Variants in SIL1 observed in about 807,000 individuals in gnomAD.
SIL1 encodes SIL1 nucleotide exchange factor.
In SIL1, 40 loss-of-function variants were observed where a neutral mutation model predicts 49.1. That is an observed-to-expected ratio of 0.81 (90% confidence interval 0.63 to 1.06). The LOEUF is 1.06. SIL1 is among the 50% of genes least tolerant of loss of function. The probability of loss-of-function intolerance (pLI) is 0.00; values close to 1 mark genes in which losing one functional copy is unlikely to be tolerated. For synonymous variants in SIL1, 253 were observed against 250.8 expected (o/e 1.01, Z -0.08); for missense variants, 500 against 572.6 (o/e 0.87, Z 1.29).
chr5:139,140,968 T>G lies in SIL1; in HGVS notation c.-10-13115A>C, dbSNP rs1190758580. Among the ~76,000 whole-genome samples the G allele has an allele frequency of 2.0e-5, 3 of 152,298 alleles. No individual in the cohort carries two copies. The East Asian group carries it at 5.8e-4, about 29-fold the overall frequency. On this transcript the variant is annotated intron_variant, in intron 1 of 9. Transcript: ENST00000394817. ...TGCCATGGTCACAGGGTTTCCATCC[T>G]GTGCTTTGCTGAGAGCACAGTTACA... is the stretch of plus-strand genomic sequence containing the variant.
At chr5:139,185,653 T>C (rs1752065682) in intron 1 of SIL1, among the ~76,000 whole-genome samples, 1 of 152,226 alleles carries the variant, frequency 6.6e-6, no homozygotes, top group Admixed American at 6.5e-5. Flanking sequence ...TCCTTCCCAA[T>C]TCTCTAGTTA....
intron 1 of SIL1, among the ~76,000 whole-genome samples, chr5:139,145,395 G>A (rs1301459117): frequency 6.6e-6 from 1 of 152,178 alleles, no homozygotes; most frequent in African/African-American, 2.4e-5. Flanking sequence ...AAATGTTGCA[G>A]CTGCTATGGA....
rs538476100 is a variant in SIL1, at chr5:139,001,537, T to G, written c.767+19634A>C. On this transcript the variant is annotated intron_variant, in intron 7 of 9. Transcript: ENST00000394817. ...AGCTACATGTAACAACATAGAAAAC[T>G]ACTAAAACACTATCTGTGTGTGTAT... Among the ~76,000 whole-genome samples, 3 of 152,286 alleles carry G rather than the reference T, an allele frequency of 2.0e-5. No homozygotes were observed. The South Asian group carries it at 6.2e-4, about 32-fold the overall frequency.
At chr5:139,102,826 T>G (rs1363107484) in intron 3 of SIL1, among the ~76,000 whole-genome samples, 2 of 151,890 alleles carry the variant, frequency 1.3e-5, no homozygotes, top group East Asian at 1.9e-4. Flanking sequence ...GCAGTTCTCC[T>G]GCCTCAGCCT....
At chr5:139,120,704 C>G (rs865997846) in intron 3 of SIL1, among the ~76,000 whole-genome samples, 2 of 152,204 alleles carry the variant, frequency 1.3e-5, no homozygotes, top group Admixed American at 6.5e-5. Context: ...AGCAGCAGAG[C>G]CCAAAATAGC....
At chr5:138,962,594 T>TTTTA (rs1182982380) in intron 7 of SIL1, among the ~76,000 whole-genome samples, 1 of 152,204 alleles carries the variant, frequency 6.6e-6, no homozygotes, top group African/African-American at 2.4e-5. Flanking sequence ...ATAACAGCTG[T>TTTTA]TTTATCATAA....
chr5:139,145,061 A>G (rs1751166947), intron 1 of SIL1, among the ~76,000 whole-genome samples: 1 of 152,222 alleles, frequency 6.6e-6, no homozygotes, highest in Admixed American at 6.5e-5. Context: ...ATGAAAAGAC[A>G]AGGGAATGAA....
At chr5:139,101,298 A>G (rs1770582413) in intron 3 of SIL1, among the ~76,000 whole-genome samples, 2 of 151,940 alleles carry the variant, frequency 1.3e-5, no homozygotes, top group Admixed American at 1.3e-4. Flanking sequence ...CACCTGGAAA[A>G]CCCTTTATAC....
At chr5:138,973,816 C>A (rs1767337580) in intron 7 of SIL1, among the ~76,000 whole-genome samples, 1 of 152,096 alleles carries the variant, frequency 6.6e-6, no homozygotes, top group Admixed American at 6.6e-5. Context: ...AAACTCCAGG[C>A]TCAAGTGATC....
At chr5:139,076,234 T>TTTA (rs1223195785) in intron 3 of SIL1, among the ~76,000 whole-genome samples, 1 of 152,202 alleles carries the variant, frequency 6.6e-6, no homozygotes, top group Non-Finnish European at 1.5e-5. Flanking sequence ...TCTGCTGACA[T>TTTA]TTATAAACTG....
intron 7 of SIL1, among the ~76,000 whole-genome samples, chr5:138,980,304 A>G (rs779836023): frequency 1.3e-5 from 2 of 152,362 alleles, no homozygotes; most frequent in Non-Finnish European, 2.9e-5. Flanking sequence ...CACCTCAGGG[A>G]TCCTAGACTT....
At chr5:139,051,240 G>A in intron 3 of SIL1, 194 bp from the exon 4 acceptor site, 1 of 621,262 alleles carries the variant, frequency 1.6e-6, no homozygotes. Flanking sequence ...TAATCTATAA[G>A]GAAATCTGTA....
chr5:139,113,000 CA>C (rs1416460585), intron 3 of SIL1, among the ~76,000 whole-genome samples: 14 of 152,240 alleles, frequency 9.2e-5, no homozygotes, highest in Admixed American at 5.2e-4. Context: ...ACCTTGCCCC[CA>C]ACCCTGTGCT....
At chr5:139,188,793 C>A (rs1752118579) in intron 1 of SIL1, among the ~76,000 whole-genome samples, 1 of 152,214 alleles carries the variant, frequency 6.6e-6, no homozygotes, top group Non-Finnish European at 1.5e-5. Flanking sequence ...AGGGACCAGG[C>A]AGGCTCTGGA....
rs1768670756 is a variant in SIL1, at chr5:139,026,963, G to T, written c.483C>A (p.Phe161Leu). 6.2e-7 allele frequency: 1 copy of T among 1,614,036 alleles called. No homozygotes were observed. Among genetic ancestry groups the T allele is most frequent in the Admixed American group, 1.7e-5 (1 of 59,990 alleles). Reference sequence around the variant, plus strand: ...CTTTCTTCAGTTCCTCAATGGGGCGGAAGAGCCGCTTTACCTCAGCCTGCC... The same window carrying T: ...CTTTCTTCAGTTCCTCAATGGGGCGTAAGAGCCGCTTTACCTCAGCCTGCC... The part of the protein sequence containing the change: ...KARQAEVKRL[F>L]RPIEELKKDF... Residue 161 changes from phenylalanine to leucine, a missense_variant, in exon 6 of 10, where the codon TTC (phenylalanine) becomes TTA (leucine). Phe to Leu is a conservative substitution (Grantham distance 22, BLOSUM62 0). Transcript: ENST00000394817.
chr5:139,036,791 C>T (rs938023411), intron 5 of SIL1, among the ~76,000 whole-genome samples: 1 of 152,076 alleles, frequency 6.6e-6, no homozygotes, highest in Non-Finnish European at 1.5e-5. Context: ...CAACAAACCC[C>T]TATGACACAA....
chr5:139,058,090 G>C (rs1423209655), intron 3 of SIL1, among the ~76,000 whole-genome samples: 1 of 152,138 alleles, frequency 6.6e-6, no homozygotes, highest in Non-Finnish European at 1.5e-5. Context: ...CCATTAAAAG[G>C]AGCAATAAAT....
At chr5:139,172,461 GTC>G (rs1751791005) in intron 1 of SIL1, among the ~76,000 whole-genome samples, 1 of 152,038 alleles carries the variant, frequency 6.6e-6, no homozygotes, top group Admixed American at 6.6e-5. Flanking sequence ...GCAAAACCCT[GTC>G]TCTACTAAAA....
chr5:138,963,500 G>A (rs753329523), intron 7 of SIL1, among the ~76,000 whole-genome samples: 4 of 152,208 alleles, frequency 2.6e-5, no homozygotes, highest in Admixed American at 6.5e-5. Flanking sequence ...GGCAATGATC[G>A]TAGGACGGTC....
Sources: gnomAD v4.1 joint callset for allele counts (sites outside exome capture counted in the v4.1 genomes callset) on GRCh38, gnomAD v4.1.1 for gene constraint, MANE v1.5 for transcripts, NCBI Gene and HGNC (gene_info 2026-07-23, HGNC 2026-07-21) for gene names.